The following NTRK2 variants were observed in gnomAD, a reference collection of about 807,000 sequenced individuals.
NTRK2 encodes the protein BDNF/NT-3 growth factors receptor.
Under a neutral mutation model 94.5 loss-of-function variants are expected in NTRK2, and 13 were observed. That is an observed-to-expected ratio of 0.14 (90% confidence interval 0.09 to 0.22). The LOEUF is 0.22. Ranked by LOEUF, NTRK2 falls within the 10% of genes least tolerant of loss-of-function variation. NTRK2 has a pLI of 1.00. For missense variants in NTRK2, 639 were observed against 1,071.2 expected, an observed-to-expected ratio of 0.60 and a Z score of 5.63; for synonymous variants, 372 against 407.4, an observed-to-expected ratio of 0.91 and a Z score of 1.05.
In NTRK2 at chr9:84,797,627, T is replaced by TTATATATACTATAATA. The variant is rs1554730810; in HGVS notation, c.1396+45549_1396+45550insACTATAATATATATAT. Among the ~76,000 whole-genome samples, 2 of 59,210 alleles carry TTATATATACTATAATA rather than the reference T, an allele frequency of 3.4e-5. 1 individual carries two copies. The highest frequency in any genetic ancestry group is 1.7e-4 in the African/African-American group (2 of 11,736). 38.8% of individuals were successfully genotyped at this position (59,210 alleles called of 152,430 possible). ...TTATATATAATATATATACTATATA[T>TTATATATACTATAATA]TATATATTATATATACTATAATAAT... On this transcript the variant is annotated intron_variant, in intron 12 of 18. Transcript: ENST00000277120.
intron 12 of NTRK2, among the ~76,000 whole-genome samples, chr9:84,856,458 A>T (rs1202911118): frequency 6.6e-6 from 1 of 152,192 alleles, no homozygotes; most frequent in Non-Finnish European, 1.5e-5. Context: ...AGATGATGAT[A>T]CTGTCAACAA....
chr9:84,820,596 CTA>C (rs2072744435), intron 12 of NTRK2, among the ~76,000 whole-genome samples: 1 of 152,132 alleles, frequency 6.6e-6, no homozygotes. Flanking sequence ...TTCAATATTT[CTA>C]TGTTACAAGG....
intron 17 of NTRK2, among the ~76,000 whole-genome samples, chr9:84,978,847 G>A (rs1827232035): frequency 1.3e-5 from 2 of 152,162 alleles, no homozygotes; most frequent in South Asian, 4.1e-4. Context: ...AAATACTAGG[G>A]CCTTTAAGCA....
chr9:84,795,377 G>A (rs923540359), intron 12 of NTRK2, among the ~76,000 whole-genome samples: 5 of 152,162 alleles, frequency 3.3e-5, no homozygotes, highest in Admixed American at 1.3e-4. Flanking sequence ...TCTTGGCCAC[G>A]TCTGTGCCTC....
intron 2 of NTRK2, among the ~76,000 whole-genome samples, chr9:84,681,509 A>G (rs2059390047): frequency 6.6e-6 from 1 of 152,128 alleles, no homozygotes; most frequent in Non-Finnish European, 1.5e-5. Flanking sequence ...GGTACATGGG[A>G]TATGGTGAGA....
intron 14 of NTRK2, among the ~76,000 whole-genome samples, chr9:84,912,946 A>G (rs1291238634): frequency 6.6e-6 from 1 of 151,984 alleles, no homozygotes; most frequent in Non-Finnish European, 1.5e-5. Flanking sequence ...TTTGAAGTGA[A>G]TTTCTTGTAG....
At chr9:85,012,364 C>T (rs1023148140) in intron 17 of NTRK2, among the ~76,000 whole-genome samples, 3 of 152,134 alleles carry the variant, frequency 2.0e-5, no homozygotes, top group African/African-American at 7.2e-5. Context: ...GTACACAGTT[C>T]TGTGAGTCTT....
chr9:84,759,005 C>T (rs2065312659), intron 12 of NTRK2, among the ~76,000 whole-genome samples: 1 of 152,186 alleles, frequency 6.6e-6, no homozygotes, highest in Non-Finnish European at 1.5e-5. Flanking sequence ...CTACTCTCCT[C>T]CCAGCTTCAA....
intron 16 of NTRK2, among the ~76,000 whole-genome samples, chr9:84,949,647 G>A (rs375455806): frequency 6.6e-6 from 1 of 152,060 alleles, no homozygotes; most frequent in Admixed American, 6.6e-5. Context: ...TCATATTTTT[G>A]TAAAGACAGG....
At chr9:84,707,647 A>G (rs1031319754) in intron 4 of NTRK2, among the ~76,000 whole-genome samples, 197 bp from the exon 5 acceptor site, 4 of 152,216 alleles carry the variant, frequency 2.6e-5, no homozygotes, top group Admixed American at 1.3e-4. Flanking sequence ...CCCTCCCAGC[A>G]AAGAAAAAAT....
chr9:84,674,641 A>G (rs971028649), intron 2 of NTRK2, among the ~76,000 whole-genome samples: 14 of 152,224 alleles, frequency 9.2e-5, no homozygotes. Context: ...CATAAGCCAC[A>G]CTAGACTTGT....
chr9:84,941,018 A>G (rs1486333166), intron 15 of NTRK2, among the ~76,000 whole-genome samples: 1 of 152,232 alleles, frequency 6.6e-6, no homozygotes, highest in Non-Finnish European at 1.5e-5. Flanking sequence ...ACTTAAGAAG[A>G]CAATTGTTAG....
intron 17 of NTRK2, among the ~76,000 whole-genome samples, chr9:85,012,494 T>C (rs1433338483): frequency 3.9e-5 from 6 of 152,192 alleles, no homozygotes; most frequent in Non-Finnish European, 5.9e-5. Context: ...TATAGTTTTC[T>C]TTTTAAAATA....
chr9:84,688,779 C>T (rs146376606), intron 2 of NTRK2, among the ~76,000 whole-genome samples: 62 of 152,358 alleles, frequency 4.1e-4, no homozygotes, highest in African/African-American at 1.2e-3. Context: ...CCTTTCCTCA[C>T]GATGTCTTTT....
At chr9:84,921,347 C>T (rs2077560807) in intron 14 of NTRK2, among the ~76,000 whole-genome samples, 1 of 152,226 alleles carries the variant, frequency 6.6e-6, no homozygotes. Flanking sequence ...AAGTCCTTAT[C>T]TCAAGACAGA....
In NTRK2 at chr9:84,896,903, G is replaced by C. The variant is rs2076773962; in HGVS notation, c.1633+29472G>C. Among the ~76,000 whole-genome samples the C allele has an allele frequency of 3.3e-5, 5 of 152,180 alleles. 1 individual carries two copies. The highest frequency in any genetic ancestry group is 3.3e-4 in the Admixed American group (5 of 15,278). ...GCCCGTGGCAGTAGCTGAGAGTTAG[G>C]AGCAAGAGGAGTAGGCATAATTTGG... On this transcript the variant is annotated intron_variant, in intron 14 of 18. Coordinates refer to ENST00000277120, the MANE Select transcript of NTRK2 (RefSeq NM_006180.6).
At chr9:84,763,323 T>G (rs1438370347) in intron 12 of NTRK2, among the ~76,000 whole-genome samples, 7 of 152,076 alleles carry the variant, frequency 4.6e-5, no homozygotes, top group Admixed American at 4.6e-4. Flanking sequence ...TTATAGACTC[T>G]TCCTGCCTGT....
At chr9:84,938,296 C>A (rs17087898) in intron 15 of NTRK2, among the ~76,000 whole-genome samples, 1 of 152,000 alleles carries the variant, frequency 6.6e-6, no homozygotes, top group East Asian at 1.9e-4. Flanking sequence ...TTCTGATAAA[C>A]CCTCTAGCAC....
chr9:84,916,999 C>A (rs867699364), intron 14 of NTRK2, among the ~76,000 whole-genome samples: 2 of 152,192 alleles, frequency 1.3e-5, no homozygotes, highest in African/African-American at 4.8e-5. Context: ...ACACTCCCTT[C>A]TCCTGGTCCT....
Sources: allele counts gnomAD v4.1 joint callset (sites outside exome capture counted in the v4.1 genomes callset), GRCh38; gene constraint gnomAD v4.1.1; transcripts MANE v1.5; gene names NCBI Gene and HGNC (gene_info 2026-07-23, HGNC 2026-07-21).